Variants in CD247 observed in about 807,000 individuals in gnomAD.
The protein encoded by CD247 is T-cell surface glycoprotein CD3 zeta chain.
Under a neutral mutation model 30.0 loss-of-function variants are expected in CD247, and 13 were observed. That is an observed-to-expected ratio of 0.43 (90% CI 0.28 to 0.69). The LOEUF is 0.69. Among genes scored for constraint, CD247 ranks in the 30% least tolerant of loss-of-function variants. The pLI is 0.16. For synonymous variants in CD247, 72 were observed against 80.0 expected (o/e 0.90, Z 0.53); for missense variants, 193 against 212.6 (o/e 0.91, Z 0.57).
chr1:167,466,134 A>C (rs1177443623), intron 1 of CD247, among the ~76,000 whole-genome samples: 1 of 152,244 alleles, frequency 6.6e-6, no homozygotes, highest in African/African-American at 2.4e-5. Context: ...GCAGAGCCCA[A>C]GACTCAGACT....
chr1:167,498,759 C>T (rs1654792792), intron 1 of CD247, among the ~76,000 whole-genome samples: 1 of 152,164 alleles, frequency 6.6e-6, no homozygotes. Context: ...GGTCTGATTG[C>T]CTCATGAATC....
intron 1 of CD247, among the ~76,000 whole-genome samples, chr1:167,484,474 A>G (rs1464928168): frequency 6.6e-6 from 1 of 152,194 alleles, no homozygotes. Flanking sequence ...CTCTGGCAGG[A>G]GCATTTTAAG....
chr1:167,508,069 T>C (rs936443804), intron 1 of CD247, among the ~76,000 whole-genome samples: 58 of 152,288 alleles, frequency 3.8e-4, no homozygotes, highest in Non-Finnish European at 2.4e-4. Context: ...AGATCAAAAA[T>C]GGCTTCCAAA....
At chr1:167,481,564 C>T (rs1281313511) in intron 1 of CD247, among the ~76,000 whole-genome samples, 2 of 152,176 alleles carry the variant, frequency 1.3e-5, no homozygotes, top group Non-Finnish European at 2.9e-5. Flanking sequence ...CTCAGAATGA[C>T]TGCTCTGATC....
intron 1 of CD247, among the ~76,000 whole-genome samples, chr1:167,451,801 T>C (rs912078975): frequency 2.0e-5 from 3 of 152,224 alleles, no homozygotes; most frequent in African/African-American, 7.2e-5. Context: ...ATATGACTCG[T>C]GTCCTTGTAA....
chr1:167,499,327 C>T (rs909132011), intron 1 of CD247, among the ~76,000 whole-genome samples: 37 of 152,110 alleles, frequency 2.4e-4, no homozygotes, highest in African/African-American at 6.8e-4. Context: ...GTGCAGAGGT[C>T]GAGAAACCCT....
At chr1:167,474,730 G>A (rs536032758) in intron 1 of CD247, among the ~76,000 whole-genome samples, 4 of 150,452 alleles carry the variant, frequency 2.7e-5, no homozygotes, top group Middle Eastern at 3.5e-3. Flanking sequence ...TAAGAAAAAC[G>A]ACTGCCATGG....
chr1:167,517,180 C>T (rs1436908493), intron 1 of CD247, among the ~76,000 whole-genome samples: 1 of 152,204 alleles, frequency 6.6e-6, no homozygotes, highest in Admixed American at 6.5e-5. Flanking sequence ...TCTGAGAAAA[C>T]AGCTGTGACC....
intron 1 of CD247, among the ~76,000 whole-genome samples, chr1:167,452,349 G>A (rs999310016): frequency 2.0e-5 from 3 of 152,078 alleles, no homozygotes; most frequent in African/African-American, 7.2e-5. Flanking sequence ...GGGAGGCGGA[G>A]GCTGCAGTGA....
intron 1 of CD247, among the ~76,000 whole-genome samples, chr1:167,503,760 A>G (rs1655005869): frequency 6.6e-6 from 1 of 152,226 alleles, no homozygotes; most frequent in African/African-American, 2.4e-5. Flanking sequence ...GCCTGGGACC[A>G]GGAACCATGG....
At chr1:167,454,354 CT>C (rs1192022426) in intron 1 of CD247, among the ~76,000 whole-genome samples, 3 of 152,246 alleles carry the variant, frequency 2.0e-5, no homozygotes, top group African/African-American at 4.8e-5. Flanking sequence ...GTTTGGAACT[CT>C]AACTATGATA....
chr1:167,502,486 C>T (rs1654954940), intron 1 of CD247, among the ~76,000 whole-genome samples: 1 of 152,170 alleles, frequency 6.6e-6, no homozygotes, highest in Admixed American at 6.5e-5. Flanking sequence ...ACATTGAGTT[C>T]TGCTAGAAGC....
chr1:167,433,199 G>C (rs1296373249), intron 6 of CD247, 140 bp from the exon 7 acceptor site: 12 of 826,778 alleles, frequency 1.5e-5, no homozygotes, highest in Non-Finnish European at 2.5e-5. Flanking sequence ...CCCTGGGAGA[G>C]AAGGATCCTC....
chr1:167,457,639 T>A (rs1652763468), intron 1 of CD247: 1 of 152,348 alleles, frequency 6.6e-6, no homozygotes. Flanking sequence ...CCAGATACTG[T>A]CCTTTCCCTT....
chr1:167,495,751 G>A (rs773150595), intron 1 of CD247, among the ~76,000 whole-genome samples: 40 of 152,120 alleles, frequency 2.6e-4, no homozygotes, highest in Non-Finnish European at 4.6e-4. Context: ...GCAGTTCCAG[G>A]AACATGCCAG....
intron 1 of CD247, among the ~76,000 whole-genome samples, chr1:167,499,805 A>T (rs1654831408): frequency 6.6e-6 from 1 of 152,192 alleles, no homozygotes; most frequent in Non-Finnish European, 1.5e-5. Flanking sequence ...AACTCTACTG[A>T]TAACCAATCT....
chr1:167,440,463 C>G (rs1651775061), intron 2 of CD247: 1 of 639,286 alleles, frequency 1.6e-6, no homozygotes, highest in Admixed American at 2.2e-5. Flanking sequence ...GGCTCTCCCT[C>G]CTACCCTGTC....
chr1:167,474,269 T>G (rs763973286), intron 1 of CD247, among the ~76,000 whole-genome samples: 3 of 151,940 alleles, frequency 2.0e-5, no homozygotes, highest in Non-Finnish European at 4.4e-5. Flanking sequence ...GACTTTAAAG[T>G]CAGATTTTAA....
chr1:167,488,349 A>T lies in CD247; in HGVS notation c.58+30059T>A, dbSNP rs147670390. The stretch of plus-strand genomic sequence containing the variant: ...AACTGTCATGATAGGTAGAAGGATG[A>T]TTGCAATGGGGTCTTGCAGTGGGAC... On this transcript the variant is annotated intron_variant, in intron 1 of 7. Transcript: ENST00000362089. Among the ~76,000 whole-genome samples, 80 of 152,392 alleles carry T rather than the reference A, an allele frequency of 5.2e-4. No homozygotes were observed. In the Middle Eastern group the frequency reaches 0.01, roughly 19 times the overall value.
Sources: allele counts gnomAD v4.1 joint callset (sites outside exome capture counted in the v4.1 genomes callset), GRCh38; gene constraint gnomAD v4.1.1; transcripts MANE v1.5; gene names NCBI Gene and HGNC (gene_info 2026-07-23, HGNC 2026-07-21).